The following STPG2 variants were observed in gnomAD, a reference collection of about 807,000 sequenced individuals.
STPG2 encodes sperm-tail PG-rich repeat-containing protein 2.
A neutral mutation model predicts 54.2 loss-of-function variants in STPG2; 56 were observed. The ratio of observed to expected loss-of-function variants is 1.03; its 90% CI spans 0.83 to 1.29. STPG2 has a LOEUF of 1.29. Among genes scored for constraint, STPG2 ranks in the 50% most tolerant of loss-of-function variants. The pLI is 0.00. For missense variants in STPG2, 596 were observed against 544.9 expected (o/e 1.09, Z -0.93); for synonymous variants, 200 against 181.8 (o/e 1.10, Z -0.81).
intron 5 of STPG2, among the ~76,000 whole-genome samples, chr4:98,058,281 G>A (rs1362397883): frequency 6.6e-6 from 1 of 152,048 alleles, no homozygotes; most frequent in Non-Finnish European, 1.5e-5. Flanking sequence ...AAATAAAAAA[G>A]CAAGATCCAT....
chr4:97,780,796 T>C (rs1726574815), intron 9 of STPG2, among the ~76,000 whole-genome samples: 1 of 151,994 alleles, frequency 6.6e-6, no homozygotes, highest in Non-Finnish European at 1.5e-5. Context: ...ACTGCTCAAC[T>C]ACATGGAACC....
chr4:97,578,446 G>A (rs1732779065), intron 10 of STPG2, among the ~76,000 whole-genome samples: 1 of 152,128 alleles, frequency 6.6e-6, no homozygotes, highest in African/African-American at 2.4e-5. Flanking sequence ...TGCATCTGAA[G>A]AAGGGAGCAG....
intron 4 of STPG2, among the ~76,000 whole-genome samples, chr4:97,536,902 T>A (rs770485498): frequency 4.6e-5 from 7 of 152,208 alleles, no homozygotes; most frequent in Non-Finnish European, 7.4e-5. Flanking sequence ...TCAACTTCTC[T>A]TCTGAGGACA....
chr4:97,786,953 G>A (rs192601244), intron 9 of STPG2, among the ~76,000 whole-genome samples: 1 of 152,082 alleles, frequency 6.6e-6, no homozygotes, highest in African/African-American at 2.4e-5. Context: ...ACATAGTATA[G>A]TATAGGTACA....
At chr4:97,523,364 T>C (rs982914679) in intron 4 of STPG2, among the ~76,000 whole-genome samples, 4 of 152,006 alleles carry the variant, frequency 2.6e-5, no homozygotes, top group African/African-American at 9.6e-5. Flanking sequence ...GTAGTTACAA[T>C]GATTAAGTAT....
chr4:97,888,043 TG>T (rs1339244048), intron 8 of STPG2, among the ~76,000 whole-genome samples: 1 of 152,176 alleles, frequency 6.6e-6, no homozygotes, highest in African/African-American at 2.4e-5. Context: ...GTGCAAGAGT[TG>T]AGTCATGGGC....
At chr4:97,886,332 T>C (rs1266463641) in intron 8 of STPG2, among the ~76,000 whole-genome samples, 6 of 152,180 alleles carry the variant, frequency 3.9e-5, no homozygotes, top group Admixed American at 1.3e-4. Flanking sequence ...TTTATGCCAG[T>C]AGAAAACAGA....
chr4:97,631,034 T>C (rs1286501153), intron 10 of STPG2, among the ~76,000 whole-genome samples: 1 of 151,890 alleles, frequency 6.6e-6, no homozygotes, highest in Non-Finnish European at 1.5e-5. Context: ...AAAACTACTC[T>C]GAAAATGATA....
chr4:98,045,127 C>A (rs1737086072), intron 5 of STPG2, among the ~76,000 whole-genome samples: 1 of 151,884 alleles, frequency 6.6e-6, no homozygotes, highest in Admixed American at 6.6e-5. Context: ...AAAAACAACA[C>A]CCCATTCCAA....
intron 4 of STPG2, among the ~76,000 whole-genome samples, chr4:97,486,062 A>C (rs1730347633): frequency 6.6e-6 from 1 of 152,010 alleles, no homozygotes; most frequent in South Asian, 2.1e-4. Context: ...TTAAGGACTT[A>C]AATTTAAGAC....
At chr4:98,130,938 AAC>A (rs1240178653) in intron 2 of STPG2, among the ~76,000 whole-genome samples, 2 of 144,816 alleles carry the variant, frequency 1.4e-5, no homozygotes, top group Non-Finnish European at 1.5e-5. Flanking sequence ...AAAAAAAAAA[AAC>A]AAAAAAAAAA....
At chr4:97,757,462 G>C (rs1180408551) in intron 9 of STPG2, among the ~76,000 whole-genome samples, 1 of 152,108 alleles carries the variant, frequency 6.6e-6, no homozygotes, top group Non-Finnish European at 1.5e-5. Flanking sequence ...CTTAACTCAG[G>C]TTTCTGGTCA....
chr4:98,029,563 T>C (rs1411604618), intron 5 of STPG2, among the ~76,000 whole-genome samples: 1 of 152,210 alleles, frequency 6.6e-6, no homozygotes, highest in Non-Finnish European at 1.5e-5. Context: ...CATGGGTATC[T>C]ACACATTCAA....
chr4:97,717,246 C>T (rs915866336), intron 9 of STPG2, among the ~76,000 whole-genome samples: 2 of 152,096 alleles, frequency 1.3e-5, no homozygotes, highest in African/African-American at 2.4e-5. Context: ...TTTGCCATCC[C>T]TTTAAATTAT....
At chr4:97,710,493 A>C (rs1724079240) in intron 10 of STPG2, among the ~76,000 whole-genome samples, 1 of 152,114 alleles carries the variant, frequency 6.6e-6, no homozygotes, top group African/African-American at 2.4e-5. Flanking sequence ...AGACATTAAA[A>C]ATGTATAACT....
chr4:97,735,607 A>C (rs1286250825), intron 9 of STPG2, among the ~76,000 whole-genome samples: 1 of 146,740 alleles, frequency 6.8e-6, no homozygotes, highest in South Asian at 2.2e-4. Context: ...ATTTATATTT[A>C]TACATTTATA....
chr4:97,673,017 T>C (rs1722745101), intron 10 of STPG2, among the ~76,000 whole-genome samples: 1 of 152,248 alleles, frequency 6.6e-6, no homozygotes, highest in South Asian at 2.1e-4. Flanking sequence ...CACATCCTAA[T>C]GTCTGAGAGA....
intron 8 of STPG2, among the ~76,000 whole-genome samples, chr4:97,894,148 A>G (rs1184199917): frequency 2.0e-5 from 3 of 152,020 alleles, no homozygotes; most frequent in African/African-American, 7.2e-5. Context: ...ACCATATTCT[A>G]GATTTGTGGT....
At chr4:97,944,884 C>T (rs1035277026) in intron 7 of STPG2, among the ~76,000 whole-genome samples, 1 of 152,092 alleles carries the variant, frequency 6.6e-6, no homozygotes, top group Non-Finnish European at 1.5e-5. Flanking sequence ...TGATATTATT[C>T]CAACCTATCC....
Sources: gnomAD v4.1 joint callset for allele counts (sites outside exome capture counted in the v4.1 genomes callset) on GRCh38, gnomAD v4.1.1 for gene constraint, MANE v1.5 for transcripts, NCBI Gene and HGNC (gene_info 2026-07-23, HGNC 2026-07-21) for gene names.